The following SEL1L variants were observed in gnomAD, a reference collection of about 807,000 sequenced individuals.
The protein encoded by SEL1L is SEL1L adaptor subunit of SYVN1 ubiquitin ligase, also known as protein sel-1 homolog 1.
SEL1L carries 52 observed loss-of-function variants against 109.8 expected under a neutral mutation model. The ratio of observed to expected loss-of-function variants is 0.47; its 90% CI spans 0.38 to 0.60. SEL1L has a LOEUF of 0.60. SEL1L is among the 20% of genes least tolerant of loss of function. The pLI is 0.00. For missense variants in SEL1L, 749 were observed against 962.2 expected (o/e 0.78, Z 2.93); for synonymous variants, 373 against 339.6 (o/e 1.10, Z -1.08).
chr14:81,499,098 T>C, intron 8 of SEL1L: 1 of 943,246 alleles, frequency 1.1e-6, no homozygotes, highest in Non-Finnish European at 1.3e-6. Flanking sequence ...ATAGCCACCA[T>C]TTACAAAATT....
At chr14:81,522,597 T>C (rs960770812) in intron 3 of SEL1L, among the ~76,000 whole-genome samples, 3 of 152,190 alleles carry the variant, frequency 2.0e-5, no homozygotes, top group African/African-American at 7.2e-5. Flanking sequence ...AAGTACACTC[T>C]ATATTTGCAC....
Position 81,513,113 on chromosome 14 carries a change from C to T in SEL1L, c.341-6872G>A, listed in dbSNP as rs771810398. 3.9e-5 allele frequency among the ~76,000 whole-genome samples: 6 copies of T among 152,092 alleles called. No homozygotes were observed. In the South Asian group the frequency reaches 6.2e-4, roughly 16 times the overall value. On this transcript the variant is annotated intron_variant, in intron 3 of 20. Transcript: ENST00000336735. ...TGCACCAATCAGCACTCTGTAAGAA[C>T]GCACCAATCAGTGCTCTGTGTCTAG...
At chr14:81,529,674 C>G (rs1162772900) in intron 1 of SEL1L, among the ~76,000 whole-genome samples, 3 of 152,208 alleles carry the variant, frequency 2.0e-5, no homozygotes, top group Non-Finnish European at 2.9e-5. Flanking sequence ...CCTCTCTCTT[C>G]GCAACCTGGA....
chr14:81,531,480 G>A (rs577347794), intron 1 of SEL1L, among the ~76,000 whole-genome samples: 3 of 152,188 alleles, frequency 2.0e-5, no homozygotes, highest in African/African-American at 4.8e-5. Context: ...CTTTGAGGCC[G>A]AAACCCTGTG....
At chr14:81,500,933 G>GA (rs1480230410) in intron 6 of SEL1L, among the ~76,000 whole-genome samples, 3 of 152,180 alleles carry the variant, frequency 2.0e-5, no homozygotes, top group Non-Finnish European at 4.4e-5. Flanking sequence ...TTGATGATAG[G>GA]AAAGTATAAG....
intron 13 of SEL1L, 64 bp from the exon 14 acceptor site, chr14:81,489,378 AT>A: frequency 7.9e-7 from 1 of 1,270,446 alleles, no homozygotes; most frequent in Non-Finnish European, 1.1e-6. Flanking sequence ...GCAAGAATAA[AT>A]AACTGCAAAA....
intron 20 of SEL1L, 99 bp from the exon 21 acceptor site, chr14:81,477,280 A>G (rs1903192345): frequency 1.0e-6 from 1 of 966,786 alleles, no homozygotes; most frequent in Admixed American, 2.4e-5. Context: ...AATTAAAATA[A>G]TTTGTTTTAA....
At chr14:81,529,543 A>C (rs989604146) in intron 1 of SEL1L, among the ~76,000 whole-genome samples, 1 of 152,236 alleles carries the variant, frequency 6.6e-6, no homozygotes, top group African/African-American at 2.4e-5. Flanking sequence ...AGACATGTAC[A>C]TTTCACACAG....
chr14:81,520,110 G>C (rs1775962429), intron 3 of SEL1L, among the ~76,000 whole-genome samples: 1 of 152,180 alleles, frequency 6.6e-6, no homozygotes, highest in African/African-American at 2.4e-5. Flanking sequence ...CAAAGTAACT[G>C]TCACATAACC....
chr14:81,497,345 T>A (rs1363679092), intron 10 of SEL1L, among the ~76,000 whole-genome samples: 1 of 152,200 alleles, frequency 6.6e-6, no homozygotes, highest in African/African-American at 2.4e-5. Context: ...TATTTTAATA[T>A]CAAAAGAAGC....
In SEL1L at chr14:81,526,979, T is replaced by G; in HGVS notation, c.109-15A>C. 1.3e-6 allele frequency: 2 copies of G among 1,578,150 alleles called. No homozygotes were observed. Among genetic ancestry groups the G allele is most frequent in the Non-Finnish European group, 1.7e-6 (2 of 1,148,152 alleles). On this transcript the variant is annotated splice_polypyrimidine_tract_variant and intron_variant, in intron 2 of 20. Coordinates refer to ENST00000336735, the MANE Select transcript of SEL1L (RefSeq NM_005065.6). Reference sequence around the variant, plus strand: ...GTCAAAGTAGTCTGAGAATATAAAGTATTTTTAGTTATCAACAATGCCAAG... The same window carrying G: ...GTCAAAGTAGTCTGAGAATATAAAGGATTTTTAGTTATCAACAATGCCAAG...
At chr14:81,512,929 C>T (rs749756329) in intron 3 of SEL1L, among the ~76,000 whole-genome samples, 6 of 152,238 alleles carry the variant, frequency 3.9e-5, no homozygotes, top group African/African-American at 1.4e-4. Flanking sequence ...ATGTGGCCCT[C>T]GGCTGCTATC....
intron 3 of SEL1L, among the ~76,000 whole-genome samples, chr14:81,523,216 A>G (rs1167247474): frequency 2.0e-5 from 3 of 152,186 alleles, no homozygotes; most frequent in African/African-American, 7.2e-5. Flanking sequence ...AGAGGGTTAG[A>G]ATTTACAGTC....
intron 3 of SEL1L, among the ~76,000 whole-genome samples, chr14:81,525,333 A>AG (rs1362214474): frequency 6.6e-6 from 1 of 151,740 alleles, no homozygotes; most frequent in African/African-American, 2.4e-5. Flanking sequence ...AGATCACCTG[A>AG]GTTCAAGGCT....
intron 1 of SEL1L, 40 bp from the exon 2 acceptor site, chr14:81,527,778 T>C (rs879044233): frequency 4.2e-6 from 6 of 1,415,166 alleles, no homozygotes; most frequent in African/African-American, 1.4e-5. Flanking sequence ...ATCTTTCTTG[T>C]TGGGAAATTA....
Position 81,475,949 on chromosome 14 carries a change from G to C in SEL1L, c.*1023C>G, listed in dbSNP as rs1903145726. The C allele has an allele frequency of 6.6e-6, 1 of 152,152 alleles. No homozygotes were observed. Among genetic ancestry groups the C allele is most frequent in the African/African-American group, 2.4e-5 (1 of 41,414 alleles). The allele number at this position is 152,152 out of a possible 1,614,324, so 9.4% of individuals were successfully genotyped here. A position where few individuals can be genotyped will look rare whatever the true frequency, so the allele number is the denominator to read the frequency against. On this transcript the variant is annotated 3_prime_UTR_variant, in exon 21 of 21. Coordinates refer to ENST00000336735, the MANE Select transcript of SEL1L (RefSeq NM_005065.6). ...TTCTCTGAGTTTTAGTATTATAATA[G>C]TAGTCACTGTAAGCCATACCCTGGC...
intron 5 of SEL1L, among the ~76,000 whole-genome samples, chr14:81,503,813 T>C (rs549227567): frequency 6.6e-6 from 1 of 152,300 alleles, no homozygotes; most frequent in East Asian, 1.9e-4. Flanking sequence ...ACTTGTTCTG[T>C]TTTTTCCAAG....
rs755362123 is a variant in SEL1L, at chr14:81,486,384, T to G, written c.1703A>C (p.Asp568Ala). The change falls in exon 17 of 21, where the codon GAT becomes GCT. Residue 568 changes from aspartate to alanine, a missense_variant. Physicochemically the swap from Asp to Ala is moderately radical, Grantham distance 126. Around this residue, in one of 2 missense-constraint regions of SEL1L, gnomAD observed 383 missense variants for 562.5 expected, o/e 0.68. Transcript: ENST00000336735. ...RLMTAYNSYK[D>A]GDYNAAVIQY... ...GATCACTGCAGCATTGTAATCGCCA[T>G]CTTTATAGCTGTTATAGGCAGTCAT... 1 of 1,614,112 alleles carries G rather than the reference T, an allele frequency of 6.2e-7. No homozygotes were observed. Among genetic ancestry groups the G allele is most frequent in the Admixed American group, 1.7e-5 (1 of 60,014 alleles).
At chr14:81,517,822 G>A (rs1004216724) in intron 3 of SEL1L, among the ~76,000 whole-genome samples, 3 of 152,144 alleles carry the variant, frequency 2.0e-5, no homozygotes, top group Non-Finnish European at 4.4e-5. Context: ...CTTGCTTTTT[G>A]CTGCCAGTGA....
Sources: gnomAD v4.1 joint callset for allele counts (sites outside exome capture counted in the v4.1 genomes callset) on GRCh38, gnomAD v4.1.1 for gene constraint, gnomAD v4.1.1 regional missense constraint, MANE v1.5 for transcripts, NCBI Gene and HGNC (gene_info 2026-07-23, HGNC 2026-07-21) for gene names.